The following PEX5L variants were observed in gnomAD, a reference collection of about 807,000 sequenced individuals.
The protein encoded by PEX5L is PEX5-related protein.
A neutral mutation model predicts 84.0 loss-of-function variants in PEX5L; 30 were observed. The ratio of observed to expected loss-of-function variants is 0.36; its 90% CI spans 0.27 to 0.48. The LOEUF (loss-of-function observed/expected upper bound fraction) is 0.48. PEX5L is among the 20% of genes least tolerant of loss of function. PEX5L has a pLI of 0.99. For missense variants in PEX5L, 533 were observed against 754.6 expected (o/e 0.71, Z 3.44); for synonymous variants, 270 against 283.1 (o/e 0.95, Z 0.46).
intron 2 of PEX5L, among the ~76,000 whole-genome samples, chr3:179,961,910 G>T (rs1782140114): frequency 2.5e-5 from 3 of 118,082 alleles, no homozygotes. Context: ...GCCAGTTGAG[G>T]GGGAGATGAT....
chr3:179,906,892 TTCA>T (rs10581509), intron 2 of PEX5L, among the ~76,000 whole-genome samples: 22,517 of 152,158 alleles, frequency 0.15, 1,777 homozygotes, highest in South Asian at 0.3. Flanking sequence ...ATGAGAATCA[TTCA>T]TCATCAACAT....
At chr3:179,934,661 C>T (rs1226836167) in intron 2 of PEX5L, among the ~76,000 whole-genome samples, 2 of 152,162 alleles carry the variant, frequency 1.3e-5, no homozygotes, top group Non-Finnish European at 2.9e-5. Flanking sequence ...TAAAAATTAT[C>T]TAACCAGAAA....
At chr3:179,913,181 C>T (rs917791597) in intron 2 of PEX5L, among the ~76,000 whole-genome samples, 3 of 152,088 alleles carry the variant, frequency 2.0e-5, no homozygotes, top group African/African-American at 7.2e-5. Flanking sequence ...TGCTAGACTT[C>T]CAAACACAGA....
intron 2 of PEX5L, chr3:179,921,981 T>C (rs1769577992): frequency 6.6e-6 from 1 of 152,236 alleles, no homozygotes; most frequent in Non-Finnish European, 1.5e-5. Flanking sequence ...AAAAGGCTTA[T>C]GAATGGGACA....
Position 179,898,341 on chromosome 3 carries a change from T to C in PEX5L, c.94-95A>G, listed in dbSNP as rs912308034. On this transcript the variant is annotated intron_variant, in intron 2 of 14. Transcript: ENST00000467460. ...CTAATGTTTAAAGAGCAATCCAACA[T>C]AAATGAAGAGGTAGGCTGCTGCAAG... 3 of 821,610 alleles carry C rather than the reference T, an allele frequency of 3.7e-6. No homozygotes were observed. The African/African-American group carries it at 5.2e-5, about 14-fold the overall frequency. The allele number at this position is 821,610 out of a possible 1,614,324, so 50.9% of individuals were successfully genotyped here. A position where few individuals can be genotyped will look rare whatever the true frequency, so the allele number is the denominator to read the frequency against.
chr3:179,914,762 C>T (rs543841934), intron 2 of PEX5L, among the ~76,000 whole-genome samples: 1 of 152,314 alleles, frequency 6.6e-6, no homozygotes, highest in African/African-American at 2.4e-5. Context: ...AGGAGTTCTC[C>T]TCAGTGATAA....
At chr3:179,914,861 C>G (rs1766466385) in intron 2 of PEX5L, among the ~76,000 whole-genome samples, 1 of 151,958 alleles carries the variant, frequency 6.6e-6, no homozygotes, top group Admixed American at 6.6e-5. Context: ...TTCTGCAAAG[C>G]CTTTGCAGTG....
chr3:179,836,331 G>A (rs1181642466), intron 8 of PEX5L, among the ~76,000 whole-genome samples: 1 of 152,118 alleles, frequency 6.6e-6, no homozygotes, highest in African/African-American at 2.4e-5. Flanking sequence ...TTTTGTGAAA[G>A]TAGAACTTTA....
chr3:179,827,655 G>A (rs1731039879), intron 8 of PEX5L, among the ~76,000 whole-genome samples: 1 of 152,174 alleles, frequency 6.6e-6, no homozygotes, highest in Non-Finnish European at 1.5e-5. Flanking sequence ...GACTGGAGTG[G>A]GGGAGGAAGA....
At chr3:179,904,580 C>T (rs76225314) in intron 2 of PEX5L, among the ~76,000 whole-genome samples, 6 of 152,208 alleles carry the variant, frequency 3.9e-5, no homozygotes, top group Admixed American at 6.5e-5. Flanking sequence ...TTTGGCTTCA[C>T]GAGCTACTGC....
At position 179,898,190 on chromosome 3, in the gene PEX5L, C is replaced by G; in HGVS notation, c.150G>C (p.Pro50=). 1 of 1,613,572 alleles carries G rather than the reference C, an allele frequency of 6.2e-7. No individual in the cohort carries two copies. The highest frequency in any genetic ancestry group is 8.5e-7 in the Non-Finnish European group (1 of 1,179,600). The stretch of plus-strand genomic sequence containing the variant: ...GCTTTTCTTCAGCAGACTCCTCCCT[C>G]GGTATCTCCTTCATCACCATGGCAA... ...KAVAMVMKEI[P]REESAEEKPL... The change falls in exon 3 of 15, where the codon CCG becomes CCC. Residue 50 remains proline (P), a synonymous_variant. Transcript: ENST00000467460.
intron 2 of PEX5L, among the ~76,000 whole-genome samples, chr3:179,952,123 G>A (rs925518859): frequency 6.6e-6 from 1 of 152,096 alleles, no homozygotes; most frequent in Non-Finnish European, 1.5e-5. Context: ...TTGCAAGAAA[G>A]CTTCTTGGAT....
At chr3:179,980,440 T>C (rs1029178925) in intron 1 of PEX5L, among the ~76,000 whole-genome samples, 2 of 152,176 alleles carry the variant, frequency 1.3e-5, no homozygotes, top group Admixed American at 6.5e-5. Flanking sequence ...CTAGATTCCA[T>C]GGCCTTGACA....
At chr3:179,834,740 G>A (rs913227834) in intron 8 of PEX5L, among the ~76,000 whole-genome samples, 1 of 152,172 alleles carries the variant, frequency 6.6e-6, no homozygotes, top group Admixed American at 6.5e-5. Context: ...AAAAGTGTCT[G>A]GAAGCTTTTT....
intron 2 of PEX5L, among the ~76,000 whole-genome samples, chr3:179,923,807 T>C (rs937890963): frequency 2.0e-5 from 3 of 152,242 alleles, no homozygotes; most frequent in Non-Finnish European, 2.9e-5. Flanking sequence ...GCTTATAAAG[T>C]AAGCACAGTA....
chr3:179,890,142 T>TAATGAACTCATCTAGTGTGATCA (rs1757169154), intron 3 of PEX5L, among the ~76,000 whole-genome samples: 3 of 152,200 alleles, frequency 2.0e-5, no homozygotes, highest in Admixed American at 6.5e-5. Flanking sequence ...GTGCTTAATG[T>TAATGAACTCATCTAGTGTGATCA]AATGAACTCA....
chr3:180,000,573 A>T (rs1184101169), intron 1 of PEX5L, among the ~76,000 whole-genome samples: 1 of 152,192 alleles, frequency 6.6e-6, no homozygotes, highest in Non-Finnish European at 1.5e-5. Context: ...GGTAGTCATC[A>T]ATACCAGCTA....
intron 1 of PEX5L, among the ~76,000 whole-genome samples, chr3:180,002,886 A>G (rs964712360): frequency 6.6e-6 from 1 of 152,128 alleles, no homozygotes; most frequent in Non-Finnish European, 1.5e-5. Flanking sequence ...TCAGGAAACA[A>G]TTGCAATAAC....
At chr3:179,825,771 T>TA (rs953315770) in intron 8 of PEX5L, among the ~76,000 whole-genome samples, 18 of 152,198 alleles carry the variant, frequency 1.2e-4, no homozygotes, top group Non-Finnish European at 2.4e-4. Flanking sequence ...CTGTAAATTG[T>TA]AAAAAATCTC....
Sources: allele counts gnomAD v4.1 joint callset (sites outside exome capture counted in the v4.1 genomes callset), GRCh38; gene constraint gnomAD v4.1.1; transcripts MANE v1.5; gene names NCBI Gene and HGNC (gene_info 2026-07-23, HGNC 2026-07-21).